The following MACC1 variants were observed in gnomAD, a reference collection of about 807,000 sequenced individuals.
MACC1 encodes MET transcriptional regulator MACC1.
In MACC1, 79 loss-of-function variants were observed where a neutral mutation model predicts 70.7. The ratio of observed to expected loss-of-function variants is 1.12; its 90% CI spans 0.93 to 1.35. The LOEUF is 1.35. Ranked by LOEUF, MACC1 falls within the 40% of genes most tolerant of loss-of-function variation. The probability of loss-of-function intolerance (pLI) is 0.00; values close to 1 mark genes in which losing one functional copy is unlikely to be tolerated. For missense variants in MACC1, 1,106 were observed against 978.1 expected (o/e 1.13, Z -1.74); for synonymous variants, 361 against 347.2 (o/e 1.04, Z -0.44).
At chr7:20,178,421 T>G (rs73276461) in intron 1 of MACC1, among the ~76,000 whole-genome samples, 19,624 of 152,164 alleles carry the variant, frequency 0.13, 1,357 homozygotes, top group Middle Eastern at 0.17. Flanking sequence ...CTTCAACATT[T>G]TGAAGACATT....
intron 6 of MACC1, 128 bp downstream of exon 6, chr7:20,154,065 G>C: frequency 1.1e-6 from 1 of 883,718 alleles, no homozygotes; most frequent in Admixed American, 2.1e-5. Context: ...TACTAGTGCA[G>C]TGATTCAGTT....
At position 20,146,953 on chromosome 7, in the gene MACC1, T is replaced by A. The variant is rs1325850065; in HGVS notation, c.2347-5795A>T. Among the ~76,000 whole-genome samples, 8 of 152,226 alleles carry A rather than the reference T, an allele frequency of 5.3e-5. No homozygotes were observed. In the East Asian group the frequency reaches 1.5e-3, roughly 29 times the overall value. ...CGTGAGGCTGATAAAAGCACAAAGT[T>A]GTTAATTTTCATCTATGTGCTTTTC... On this transcript the variant is annotated intron_variant, in intron 6 of 6. Transcript: ENST00000400331.
chr7:20,185,532 GA>G (rs1164584925), intron 1 of MACC1, among the ~76,000 whole-genome samples: 1 of 151,684 alleles, frequency 6.6e-6, no homozygotes, highest in African/African-American at 2.4e-5. Context: ...AAAGAAATAT[GA>G]AAAAGAAAAT....
At chr7:20,175,875 A>T (rs935887213) in intron 1 of MACC1, among the ~76,000 whole-genome samples, 2 of 152,132 alleles carry the variant, frequency 1.3e-5, no homozygotes, top group African/African-American at 4.8e-5. Context: ...GGAATATAGC[A>T]AATATAAAGC....
chr7:20,158,973 C>G lies in MACC1; in HGVS notation c.1388G>C (p.Gly463Ala), dbSNP rs202092028. The change falls in exon 5 of 7, where the codon GGT becomes GCT. Residue 463 changes from glycine to alanine, a missense_variant. Gly to Ala is a moderately conservative substitution (Grantham distance 60). Transcript: ENST00000400331. ...TAAAAATTGTTGATGAACTACTTCA[C>G]CTGCTTCCAACTGCTTTTGTTTAAT... The part of the protein sequence containing the change: ...KEIKQKQLEA[G>A]EVVHQQFLFS... 97 of 1,614,032 alleles carry G rather than the reference C, an allele frequency of 6.0e-5. No homozygotes were observed. In the Admixed American group the frequency reaches 1.6e-3, roughly 27 times the overall value.
Position 20,154,347 on chromosome 7 carries a change from G to A in MACC1, c.2192C>T (p.Ala731Val), listed in dbSNP as rs752392071. Residue 731 changes from alanine (A) to valine (V), a missense_variant, in exon 6 of 7, where the codon GCA (alanine) becomes GTA (valine). Transcript: ENST00000400331. ...LLKMDCQELV[A>V]RLIQEAAVLT... ...AACAGCAGCTTCTTGGATGAGACGTGCGACTAACTCTTGGCAATCCATTTT... is the reference window on the plus strand; with the variant it reads ...AACAGCAGCTTCTTGGATGAGACGTACGACTAACTCTTGGCAATCCATTTT... 2 of 1,613,832 alleles carry A rather than the reference G, an allele frequency of 1.2e-6. No individual in the cohort carries two copies. Among genetic ancestry groups the A allele is most frequent in the Non-Finnish European group, 8.5e-7 (1 of 1,179,848 alleles).
Position 20,158,911 on chromosome 7 carries a change from CA to C in MACC1, c.1449del (p.Phe483LeufsTer29). ...SLVEHREMHL[F>X]DFCVQVEPPN... ...GGAGGCTCCACTTGAACACAAAAAT[CA>C]AACAAGTGCATCTCTCTGTGCTCAA... On this transcript the variant is annotated frameshift_variant, in exon 5 of 7. Transcript: ENST00000400331. LOFTEE classifies it high-confidence loss of function. 6.2e-7 allele frequency: 1 copy of C among 1,613,910 alleles called. No individual in the cohort carries two copies. Among genetic ancestry groups the C allele is most frequent in the Non-Finnish European group, 8.5e-7 (1 of 1,179,960 alleles).
chr7:20,156,568 T>G (rs1053379379), intron 5 of MACC1, among the ~76,000 whole-genome samples: 4 of 152,202 alleles, frequency 2.6e-5, no homozygotes, highest in African/African-American at 9.7e-5. Flanking sequence ...TATTACAAAA[T>G]GCACACGCAG....
At chr7:20,174,802 C>T (rs1200070004) in intron 1 of MACC1, among the ~76,000 whole-genome samples, 3 of 152,054 alleles carry the variant, frequency 2.0e-5, no homozygotes, top group African/African-American at 4.8e-5. Flanking sequence ...AATTTAAATA[C>T]TCTTTTCCCT....
intron 1 of MACC1, among the ~76,000 whole-genome samples, chr7:20,189,806 A>T (rs1480279950): frequency 6.6e-6 from 1 of 151,858 alleles, no homozygotes; most frequent in Non-Finnish European, 1.5e-5. Flanking sequence ...AGAGAGAGAG[A>T]GAGTAAAAGA....
In MACC1 at chr7:20,137,239, T is replaced by C. The variant is rs1781731056; in HGVS notation, c.*3707A>G. 1 of 152,200 alleles carries C rather than the reference T, an allele frequency of 6.6e-6. No homozygotes were observed. Among genetic ancestry groups the C allele is most frequent in the South Asian group, 2.1e-4 (1 of 4,832 alleles). The allele number at this position is 152,200 out of a possible 1,614,324, so 9.4% of individuals were successfully genotyped here. Reference sequence around the variant, plus strand: ...TCTTTTGCATGTTCACATTACACATTCAAGGCTGATTAGTAGCAGCAGTGT... The same window carrying C: ...TCTTTTGCATGTTCACATTACACATCCAAGGCTGATTAGTAGCAGCAGTGT... On this transcript the variant is annotated 3_prime_UTR_variant, in exon 7 of 7. Transcript: ENST00000400331.
intron 1 of MACC1, among the ~76,000 whole-genome samples, chr7:20,207,341 G>A (rs1389935972): frequency 6.6e-6 from 1 of 150,914 alleles, no homozygotes; most frequent in African/African-American, 2.4e-5. Context: ...TAGTAGAGAC[G>A]GGGTTTCACC....
intron 1 of MACC1, among the ~76,000 whole-genome samples, chr7:20,184,711 G>A (rs1378762980): frequency 6.6e-6 from 1 of 152,212 alleles, no homozygotes; most frequent in East Asian, 1.9e-4. Context: ...TATTTTCACT[G>A]ATTAAACAAC....
At chr7:20,185,531 T>C (rs986885025) in intron 1 of MACC1, among the ~76,000 whole-genome samples, 1 of 151,934 alleles carries the variant, frequency 6.6e-6, no homozygotes, top group Admixed American at 6.6e-5. Flanking sequence ...TAAAGAAATA[T>C]GAAAAAGAAA....
chr7:20,150,596 A>T (rs558123659), intron 6 of MACC1: 2 of 152,370 alleles, frequency 1.3e-5, no homozygotes, highest in African/African-American at 4.8e-5. Context: ...ACAGGTGAGT[A>T]ATTTCCGAGA....
intron 1 of MACC1, among the ~76,000 whole-genome samples, chr7:20,195,480 G>C (rs1270628708): frequency 6.6e-6 from 1 of 152,186 alleles, no homozygotes; most frequent in African/African-American, 2.4e-5. Context: ...TCTATAGGAG[G>C]AGCTGTTAAT....
intron 6 of MACC1, among the ~76,000 whole-genome samples, chr7:20,141,618 G>C (rs979752634): frequency 1.3e-5 from 2 of 151,984 alleles, no homozygotes; most frequent in African/African-American, 4.8e-5. Flanking sequence ...TATTTTACTC[G>C]AGCAAGTCTA....
chr7:20,169,875 C>G (rs1395033237), intron 2 of MACC1, among the ~76,000 whole-genome samples: 1 of 152,178 alleles, frequency 6.6e-6, no homozygotes, highest in Non-Finnish European at 1.5e-5. Context: ...AAGAGGACCC[C>G]TTGCTTTTCC....
At chr7:20,191,786 C>T (rs534893074) in intron 1 of MACC1, among the ~76,000 whole-genome samples, 3 of 152,080 alleles carry the variant, frequency 2.0e-5, no homozygotes, top group African/African-American at 7.2e-5. Context: ...GTAATCTGTG[C>T]GGTATCAGAA....
Sources: allele counts gnomAD v4.1 joint callset (sites outside exome capture counted in the v4.1 genomes callset), GRCh38; gene constraint gnomAD v4.1.1; transcripts MANE v1.5; gene names NCBI Gene and HGNC (gene_info 2026-07-23, HGNC 2026-07-21).